The following TMEM161B variants were observed in gnomAD, a reference collection of about 807,000 sequenced individuals.
TMEM161B encodes transmembrane protein 161B.
A neutral mutation model predicts 61.8 loss-of-function variants in TMEM161B; 34 were observed. That is an observed-to-expected ratio of 0.55 (90% CI 0.42 to 0.73). TMEM161B has a LOEUF of 0.73. TMEM161B is among the 30% of genes least tolerant of loss of function. The pLI is 0.00. For missense variants in TMEM161B, 456 were observed against 558.5 expected (o/e 0.82, Z 1.85); for synonymous variants, 167 against 192.8 (o/e 0.87, Z 1.11).
In TMEM161B at chr5:88,196,287, G is replaced by T. The variant is rs143610279; in HGVS notation, c.1388C>A (p.Thr463Asn). Residue 463 changes from threonine to asparagine, a missense_variant, in exon 12 of 12, where the codon ACC becomes AAC. Coordinates refer to ENST00000296595, the MANE Select transcript of TMEM161B (RefSeq NM_153354.5). ...AAAGAGGCAAGCAGCAATCCACCAG[G>T]TCAGAAAAGACAGAAGTCCTCGAAA... Reference protein sequence around the residue: ...LLFRGLLSFLTWWIAACLFST... With the variant: ...LLFRGLLSFLNWWIAACLFST... 2.5e-5 allele frequency: 40 copies of T among 1,613,216 alleles called. No individual in the cohort carries two copies. Among genetic ancestry groups the T allele is most frequent in the Non-Finnish European group, 3.2e-5 (38 of 1,179,484 alleles).
chr5:88,232,919 T>G (rs1445390430), intron 2 of TMEM161B, among the ~76,000 whole-genome samples: 1 of 152,220 alleles, frequency 6.6e-6, no homozygotes, highest in East Asian at 1.9e-4. Context: ...TGTTAAATCT[T>G]ATTTTGTAAA....
chr5:88,202,232 A>T (rs1744548477), intron 9 of TMEM161B: 1 of 420,736 alleles, frequency 2.4e-6, no homozygotes, highest in South Asian at 1.7e-5. Flanking sequence ...ACTTTCTATT[A>T]CTCTAACAGT....
At chr5:88,204,849 T>A (rs1423690787) in intron 8 of TMEM161B, among the ~76,000 whole-genome samples, 7 of 143,958 alleles carry the variant, frequency 4.9e-5, no homozygotes, top group Non-Finnish European at 7.6e-5. Flanking sequence ...GAAGTGAGGT[T>A]AAAAAAAAAA....
At chr5:88,237,538 G>A (rs987761497) in intron 2 of TMEM161B, among the ~76,000 whole-genome samples, 3 of 152,062 alleles carry the variant, frequency 2.0e-5, no homozygotes, top group African/African-American at 7.2e-5. Context: ...CCTGTCTGAA[G>A]AAACTGAGAA....
At position 88,195,459 on chromosome 5, in the gene TMEM161B, C is replaced by T. The variant is rs1749473081; in HGVS notation, c.*752G>A. 5.1e-6 allele frequency: 5 copies of T among 977,066 alleles called. No individual in the cohort carries two copies. The highest frequency in any genetic ancestry group is 6.1e-6 in the Non-Finnish European group (5 of 823,062). The allele number at this position is 977,066 out of a possible 1,614,324, so 60.5% of individuals were successfully genotyped here. ...GATCAGTATTGATAAATATTTTAGC[C>T]TATTAAAAGGAACTAGTTAGGATCA... On this transcript the variant is annotated 3_prime_UTR_variant, in exon 12 of 12. Coordinates refer to ENST00000296595, the MANE Select transcript of TMEM161B (RefSeq NM_153354.5).
chr5:88,191,829 C>A (rs991860249), downstream of TMEM161B, among the ~76,000 whole-genome samples: 64 of 150,098 alleles, frequency 4.3e-4, 1 homozygote, highest in African/African-American at 1.4e-3. Context: ...TGGTGGCGGG[C>A]GCCTGTAGTC....
chr5:88,238,711 G>T (rs1185920978), intron 2 of TMEM161B, among the ~76,000 whole-genome samples: 2 of 151,574 alleles, frequency 1.3e-5, no homozygotes, highest in East Asian at 1.9e-4. Context: ...ATAATTTTAG[G>T]TTTTTTTCTA....
intron 5 of TMEM161B, among the ~76,000 whole-genome samples, chr5:88,220,010 G>A (rs1417556973): frequency 1.3e-5 from 2 of 151,794 alleles, no homozygotes; most frequent in South Asian, 4.1e-4. Context: ...AAACAGAAAT[G>A]AAGTATCTGA....
At chr5:88,233,200 T>C (rs988401095) in intron 2 of TMEM161B, among the ~76,000 whole-genome samples, 1 of 152,188 alleles carries the variant, frequency 6.6e-6, no homozygotes, top group African/African-American at 2.4e-5. Context: ...TATATTCCAG[T>C]TGGGGTAAAA....
chr5:88,200,641 A>T (rs1242740573), intron 9 of TMEM161B: 2 of 152,144 alleles, frequency 1.3e-5, no homozygotes, highest in Non-Finnish European at 2.9e-5. Flanking sequence ...ATTCCATACC[A>T]TCATAAATAT....
At chr5:88,209,769 T>C (rs1190835000) in intron 5 of TMEM161B, among the ~76,000 whole-genome samples, 2 of 152,176 alleles carry the variant, frequency 1.3e-5, no homozygotes, top group African/African-American at 4.8e-5. Flanking sequence ...TTTCATTCAA[T>C]AGTCCCCAAA....
downstream of TMEM161B, chr5:88,190,183 C>G (rs1011433739): frequency 4.3e-6 from 3 of 700,910 alleles, no homozygotes; most frequent in Non-Finnish European, 7.8e-6. Flanking sequence ...TCTGTGAAGT[C>G]TAGCTGGAGA....
chr5:88,242,312 C>T (rs1409922126), intron 1 of TMEM161B, among the ~76,000 whole-genome samples: 1 of 151,646 alleles, frequency 6.6e-6, no homozygotes, highest in East Asian at 1.9e-4. Context: ...TATTTTTCCT[C>T]AACTTAAATC....
At chr5:88,194,336 T>G (rs1749293511), downstream of TMEM161B, among the ~76,000 whole-genome samples, 1 of 152,202 alleles carries the variant, frequency 6.6e-6, no homozygotes, top group Non-Finnish European at 1.5e-5. Flanking sequence ...ATTCTTTTTT[T>G]ACGGCTGCAT....
rs1580477880 is a variant in TMEM161B at position 88,220,614 on chromosome 5, T to G, written c.395A>C (p.Gln132Pro). The change falls in exon 5 of 12, where the codon CAG becomes CCG. Residue 132 changes from glutamine (Q) to proline (P), a missense_variant. This residue lies in a region of TMEM161B where 367 missense variants were observed against 427.3 expected (regional missense o/e 0.86). Transcript: ENST00000296595. ...EVYYNFMKPT[Q>P]EMNISLVWCL... ...CCAGACTAAGCTGATATTCATTTCC[T>G]GTGTAGGCTTCATAAAATTGTAGTA... 3 of 1,601,676 alleles carry G rather than the reference T, an allele frequency of 1.9e-6. No homozygotes were observed. The highest frequency in any genetic ancestry group is 2.5e-6 in the Non-Finnish European group (3 of 1,176,582).
At chr5:88,230,182 T>C (rs1239051586) in intron 2 of TMEM161B, among the ~76,000 whole-genome samples, 3 of 151,860 alleles carry the variant, frequency 2.0e-5, no homozygotes, top group Non-Finnish European at 2.9e-5. Context: ...TAAGACCCTA[T>C]CTCAAAAACA....
chr5:88,250,921 T>A (rs540779901), intron 1 of TMEM161B: 36 of 152,158 alleles, frequency 2.4e-4, no homozygotes, highest in Non-Finnish European at 2.4e-4. Flanking sequence ...ATAGACAAAA[T>A]CAACTTACAG....
At chr5:88,198,198 T>C (rs2112335778) in intron 10 of TMEM161B, 1 of 152,502 alleles carries the variant, frequency 6.6e-6, no homozygotes, top group South Asian at 2.1e-4. Flanking sequence ...TACATGAACA[T>C]ATTTGAAGTC....
chr5:88,193,355 C>T (rs1436528379), downstream of TMEM161B, among the ~76,000 whole-genome samples: 1 of 151,984 alleles, frequency 6.6e-6, no homozygotes, highest in African/African-American at 2.4e-5. Flanking sequence ...ATTATATTGA[C>T]TAAAGTATAA....
Sources: gnomAD v4.1 joint callset for allele counts (sites outside exome capture counted in the v4.1 genomes callset) on GRCh38, gnomAD v4.1.1 for gene constraint, gnomAD v4.1.1 regional missense constraint, MANE v1.5 for transcripts, NCBI Gene and HGNC (gene_info 2026-07-23, HGNC 2026-07-21) for gene names.